ZNF521: variants seen among roughly 807,000 people sequenced by gnomAD.
The protein encoded by ZNF521 is LYST-interacting protein 3.
A neutral mutation model predicts 105.5 loss-of-function variants in ZNF521; 14 were observed. That is an observed-to-expected ratio of 0.13 (90% CI 0.09 to 0.21). The LOEUF is 0.21. ZNF521 is among the 10% of genes least tolerant of loss of function. The probability of loss-of-function intolerance (pLI) is 1.00; values close to 1 mark genes in which losing one functional copy is unlikely to be tolerated. For missense variants in ZNF521, 1,233 were observed against 1,629.7 expected (o/e 0.76, Z 4.19); for synonymous variants, 635 against 606.0 (o/e 1.05, Z -0.70).
chr18:25,215,820 C>T (rs1905290685), intron 4 of ZNF521, among the ~76,000 whole-genome samples: 1 of 152,174 alleles, frequency 6.6e-6, no homozygotes, highest in Non-Finnish European at 1.5e-5. Flanking sequence ...AAGGCACCTG[C>T]TCCCACATTC....
chr18:25,194,352 T>C (rs143524203), intron 5 of ZNF521, among the ~76,000 whole-genome samples: 2 of 151,852 alleles, frequency 1.3e-5, no homozygotes, highest in African/African-American at 4.8e-5. Context: ...ATTGTACTAG[T>C]AGAAAAATGA....
At chr18:25,156,998 A>T (rs1267862790) in intron 5 of ZNF521, among the ~76,000 whole-genome samples, 3 of 152,138 alleles carry the variant, frequency 2.0e-5, no homozygotes, top group Non-Finnish European at 2.9e-5. Context: ...CAGGAGTTCG[A>T]GACCAGCCTG....
chr18:25,114,904 A>T (rs2144317042), intron 5 of ZNF521, among the ~76,000 whole-genome samples: 1 of 152,360 alleles, frequency 6.6e-6, no homozygotes, highest in South Asian at 2.1e-4. Context: ...CCTGCTTCAG[A>T]AAATGTATGT....
chr18:25,319,527 C>CAGAG (rs1478284012), intron 3 of ZNF521, among the ~76,000 whole-genome samples: 1 of 150,476 alleles, frequency 6.6e-6, no homozygotes. Flanking sequence ...ACCCAGGAGG[C>CAGAG]AGAGGTTGCA....
intron 4 of ZNF521, among the ~76,000 whole-genome samples, chr18:25,203,710 C>A (rs1205993603): frequency 1.3e-5 from 2 of 151,898 alleles, no homozygotes; most frequent in South Asian, 2.1e-4. Flanking sequence ...TTGCTTCTGG[C>A]CAACTGACTA....
chr18:25,239,124 A>G (rs188615572), intron 3 of ZNF521, among the ~76,000 whole-genome samples: 1 of 152,292 alleles, frequency 6.6e-6, no homozygotes, highest in African/African-American at 2.4e-5. Flanking sequence ...ACAGAAAGAA[A>G]ATTAGATCAC....
chr18:25,191,825 T>G (rs45546942), intron 5 of ZNF521, among the ~76,000 whole-genome samples: 9,484 of 152,208 alleles, frequency 0.062, 715 homozygotes, highest in African/African-American at 0.18. Context: ...ATCTCTATTT[T>G]TGCTAATCCA....
intron 3 of ZNF521, among the ~76,000 whole-genome samples, chr18:25,250,320 A>C (rs1908025682): frequency 1.3e-5 from 2 of 152,232 alleles, no homozygotes; most frequent in Non-Finnish European, 2.9e-5. Context: ...GGTGGCTAAA[A>C]AGAGCCATCC....
chr18:25,069,451 C>T (rs750801803), intron 7 of ZNF521, among the ~76,000 whole-genome samples: 25 of 152,154 alleles, frequency 1.6e-4, no homozygotes, highest in Non-Finnish European at 2.5e-4. Context: ...TAAATTGCTA[C>T]GGCTCTGGGA....
intron 7 of ZNF521, among the ~76,000 whole-genome samples, chr18:25,083,796 C>T (rs1213327903): frequency 6.6e-6 from 1 of 151,808 alleles, no homozygotes; most frequent in African/African-American, 2.4e-5. Flanking sequence ...CAAGGTCTCT[C>T]TCTCTCTCTG....
chr18:25,330,720 T>C (rs1913519348), intron 2 of ZNF521, among the ~76,000 whole-genome samples: 1 of 152,240 alleles, frequency 6.6e-6, no homozygotes, highest in Non-Finnish European at 1.5e-5. Flanking sequence ...TTGGAGTTCA[T>C]GATTCTTTTC....
chr18:25,258,364 G>A (rs192754513), intron 3 of ZNF521, among the ~76,000 whole-genome samples: 2 of 152,234 alleles, frequency 1.3e-5, no homozygotes, highest in South Asian at 2.1e-4. Flanking sequence ...GATAGGATTA[G>A]GCCCAAAGGG....
intron 5 of ZNF521, among the ~76,000 whole-genome samples, chr18:25,154,171 G>T (rs1335727293): frequency 6.6e-6 from 1 of 152,112 alleles, no homozygotes; most frequent in African/African-American, 2.4e-5. Flanking sequence ...AAGCTATTTG[G>T]GGAAAAAAGT....
intron 3 of ZNF521, among the ~76,000 whole-genome samples, chr18:25,232,841 G>A (rs1906627352): frequency 6.6e-6 from 1 of 152,124 alleles, no homozygotes; most frequent in Non-Finnish European, 1.5e-5. Flanking sequence ...GGTAAGACTT[G>A]AGACCAACAA....
intron 3 of ZNF521, among the ~76,000 whole-genome samples, chr18:25,301,372 C>T (rs1911633068): frequency 6.6e-6 from 1 of 152,214 alleles, no homozygotes; most frequent in African/African-American, 2.4e-5. Context: ...GATCACAGTG[C>T]TTGCCTATAT....
intron 5 of ZNF521, among the ~76,000 whole-genome samples, chr18:25,172,524 C>T (rs1258591042): frequency 6.6e-6 from 1 of 152,122 alleles, no homozygotes; most frequent in Admixed American, 6.5e-5. Context: ...TCTACTAAAT[C>T]CCACTTAGCT....
At position 25,062,481 on chromosome 18, in the gene ZNF521, A is replaced by G. The variant is rs1314789374; in HGVS notation, c.*231T>C. On this transcript the variant is annotated 3_prime_UTR_variant, in exon 8 of 8. Coordinates refer to ENST00000361524, the MANE Select transcript of ZNF521 (RefSeq NM_015461.3). ...CAAGTCCACTTGTCTTTATAAGACC[A>G]TTTTAGTATCAGACGACATAATACA... 1 of 517,054 alleles carries G rather than the reference A, an allele frequency of 1.9e-6. No homozygotes were observed. The highest frequency in any genetic ancestry group is 3.5e-5 in the East Asian group (1 of 28,716). 32.0% of individuals were successfully genotyped at this position (517,054 alleles called of 1,614,324 possible).
rs367812085 is a variant in ZNF521, at chr18:25,181,016, T to C, written c.3658+14144A>G. Among the ~76,000 whole-genome samples, 11 of 152,268 alleles carry C rather than the reference T, an allele frequency of 7.2e-5. No homozygotes were observed. The East Asian group carries it at 2.1e-3, about 29-fold the overall frequency. On this transcript the variant is annotated intron_variant, in intron 5 of 7. Transcript: ENST00000361524. ...AGCAGGTTTACTCCAGATTATCAGC[T>C]TGTGTGTCTGTGCCTGCTGGGCTAT...
intron 5 of ZNF521, among the ~76,000 whole-genome samples, chr18:25,114,426 G>A (rs753368782): frequency 2.0e-4 from 31 of 152,284 alleles, no homozygotes; most frequent in Middle Eastern, 3.4e-3. Flanking sequence ...AATTACAGCT[G>A]TTATAATTTG....
Sources: allele counts gnomAD v4.1 joint callset (sites outside exome capture counted in the v4.1 genomes callset), GRCh38; gene constraint gnomAD v4.1.1; transcripts MANE v1.5; gene names NCBI Gene and HGNC (gene_info 2026-07-23, HGNC 2026-07-21).